MAP2: variants seen among roughly 807,000 people sequenced by gnomAD.
MAP2 encodes microtubule associated protein 2, also known as microtubule-associated protein 2.
A neutral mutation model predicts 137.6 loss-of-function variants in MAP2; 14 were observed. The observed-to-expected ratio is 0.10, with a 90% CI of 0.07 to 0.16. MAP2 has a LOEUF of 0.16. Ranked by LOEUF, MAP2 falls within the 10% of genes least tolerant of loss-of-function variation. The pLI is 1.00. For synonymous variants in MAP2, 786 were observed against 782.3 expected (o/e 1.00, Z -0.08); for missense variants, 2,088 against 2,191.5 (o/e 0.95, Z 0.94).
At chr2:209,678,411 G>A (rs892450967) in intron 5 of MAP2, among the ~76,000 whole-genome samples, 161 bp from the exon 6 acceptor site, 16 of 151,686 alleles carry the variant, frequency 1.1e-4, no homozygotes, top group African/African-American at 2.4e-5. Flanking sequence ...CTTCTTTTTT[G>A]TATATATGTG....
intron 14 of MAP2, among the ~76,000 whole-genome samples, chr2:209,727,239 T>G (rs1210873405): frequency 6.6e-6 from 1 of 152,244 alleles, no homozygotes; most frequent in Non-Finnish European, 1.5e-5. Flanking sequence ...GTCCCATACT[T>G]CATATCTTTG....
intron 1 of MAP2, among the ~76,000 whole-genome samples, chr2:209,503,016 T>C (rs2060583995): frequency 7.0e-6 from 1 of 142,162 alleles, no homozygotes; most frequent in African/African-American, 2.5e-5. Context: ...TTTTTTTTTT[T>C]CTGAGACAGG....
intron 4 of MAP2, among the ~76,000 whole-genome samples, chr2:209,649,088 C>A (rs2094604915): frequency 6.6e-6 from 1 of 152,006 alleles, no homozygotes; most frequent in Non-Finnish European, 1.5e-5. Flanking sequence ...AGGTTGAGTG[C>A]TGTGGCATAA....
At chr2:209,562,539 A>G (rs1177038758) in intron 2 of MAP2, among the ~76,000 whole-genome samples, 1 of 152,144 alleles carries the variant, frequency 6.6e-6, no homozygotes, top group Non-Finnish European at 1.5e-5. Context: ...TCTACTAAAA[A>G]TACAAAAATT....
intron 4 of MAP2, among the ~76,000 whole-genome samples, chr2:209,627,225 T>C (rs1249409556): frequency 6.6e-6 from 1 of 152,152 alleles, no homozygotes; most frequent in Non-Finnish European, 1.5e-5. Flanking sequence ...TAGAAAATAA[T>C]GGAGGAAACT....
At chr2:209,651,732 A>T (rs1582220045) in intron 4 of MAP2, among the ~76,000 whole-genome samples, 2 of 152,306 alleles carry the variant, frequency 1.3e-5, no homozygotes, top group Non-Finnish European at 2.9e-5. Context: ...TTTGAGAATC[A>T]GTTTTGGGAG....
intron 1 of MAP2, among the ~76,000 whole-genome samples, chr2:209,482,781 T>G (rs532070446): frequency 6.6e-6 from 1 of 152,310 alleles, no homozygotes; most frequent in East Asian, 1.9e-4. Flanking sequence ...ACCAACTACC[T>G]TGAATTTTTG....
intron 11 of MAP2, among the ~76,000 whole-genome samples, chr2:209,704,801 A>G (rs1263223794): frequency 6.6e-6 from 1 of 151,978 alleles, no homozygotes; most frequent in Non-Finnish European, 1.5e-5. Flanking sequence ...CAGTATACCT[A>G]TTTTTTAAAT....
rs1438355562 is a variant in MAP2 at position 209,677,690 on chromosome 2, A to G, written c.263-882A>G. On this transcript the variant is annotated intron_variant, in intron 5 of 15. Transcript: ENST00000682079. ...TGTTCTGCTTAGGAGAAAGAATATT[A>G]TAATAGTCAGGAATGCTAAAAACTA... Among the ~76,000 whole-genome samples, 4 of 152,050 alleles carry G rather than the reference A, an allele frequency of 2.6e-5. No homozygotes were observed. In the East Asian group the frequency reaches 5.8e-4, roughly 22 times the overall value.
chr2:209,540,213 C>A (rs1318643687), intron 2 of MAP2, among the ~76,000 whole-genome samples: 1 of 148,886 alleles, frequency 6.7e-6, no homozygotes, highest in Non-Finnish European at 1.5e-5. Flanking sequence ...TGACCACTTT[C>A]TTTCCATAAT....
chr2:209,555,659 A>C (rs78034497), intron 2 of MAP2, among the ~76,000 whole-genome samples: 2,999 of 152,260 alleles, frequency 0.02, 97 homozygotes, highest in African/African-American at 0.068. Context: ...TATTTCTTTT[A>C]TTTATCCATT....
intron 3 of MAP2, among the ~76,000 whole-genome samples, chr2:209,611,197 A>C (rs2086734451): frequency 6.6e-6 from 1 of 152,086 alleles, no homozygotes; most frequent in Non-Finnish European, 1.5e-5. Context: ...TTTTTTAAAA[A>C]TTATAGACCT....
Position 209,697,049 on chromosome 2 carries a change from C to G in MAP2, c.4520C>G (p.Thr1507Arg). The change falls in exon 10 of 16, where the codon ACA becomes AGA. Residue 1507 changes from threonine (T) to arginine (R), a missense_variant and splice_region_variant. By Grantham distance (71) the Thr-to-Arg change is moderately conservative (BLOSUM62 -1). This residue lies in a region of MAP2 where 591 missense variants were observed against 642.6 expected (regional missense o/e 0.92). Transcript: ENST00000682079. ...CTCTCCTGTGTTAAGCGGAAAACCACAGGTGACTGTTCAATTCTGCAATGT... is the reference window on the plus strand; with the variant it reads ...CTCTCCTGTGTTAAGCGGAAAACCAGAGGTGACTGTTCAATTCTGCAATGT... ...THLSCVKRKT[T>R]AAGGESALAP... 1 of 1,592,824 alleles carries G rather than the reference C, an allele frequency of 6.3e-7. No homozygotes were observed. The highest frequency in any genetic ancestry group is 8.5e-7 in the Non-Finnish European group (1 of 1,174,792).
At chr2:209,580,867 A>C (rs777311996) in intron 3 of MAP2, among the ~76,000 whole-genome samples, 27 of 152,172 alleles carry the variant, frequency 1.8e-4, no homozygotes, top group Non-Finnish European at 3.1e-4. Flanking sequence ...TTTAACTTTA[A>C]TACCTGTTAA....
intron 1 of MAP2, among the ~76,000 whole-genome samples, chr2:209,447,610 G>A (rs1192235245): frequency 6.6e-6 from 1 of 152,026 alleles, no homozygotes; most frequent in Non-Finnish European, 1.5e-5. Flanking sequence ...TGCTGATGGA[G>A]AGGGTAGTCA....
intron 2 of MAP2, among the ~76,000 whole-genome samples, chr2:209,578,980 T>A (rs191333939): frequency 6.6e-6 from 1 of 151,998 alleles, no homozygotes; most frequent in Non-Finnish European, 1.5e-5. Context: ...AAGTGCATAA[T>A]TATAACTGTT....
At chr2:209,675,142 A>G (rs3768819) in intron 5 of MAP2, among the ~76,000 whole-genome samples, 101 of 152,028 alleles carry the variant, frequency 6.6e-4, no homozygotes, top group African/African-American at 2.2e-3. Context: ...TAATATGTCA[A>G]TTAAGCCAAT....
At chr2:209,714,548 C>T (rs1309260891) in intron 13 of MAP2, among the ~76,000 whole-genome samples, 1 of 152,216 alleles carries the variant, frequency 6.6e-6, no homozygotes, top group South Asian at 2.1e-4. Flanking sequence ...CTTTCCCAAT[C>T]AGCATTGGTC....
intron 1 of MAP2, among the ~76,000 whole-genome samples, chr2:209,482,110 A>G (rs1046739388): frequency 2.6e-5 from 4 of 152,232 alleles, no homozygotes; most frequent in Admixed American, 2.0e-4. Context: ...CAGCAGTAGA[A>G]TCAGTGTTGA....
Sources: allele counts gnomAD v4.1 joint callset (sites outside exome capture counted in the v4.1 genomes callset), GRCh38; gene constraint gnomAD v4.1.1; regional missense constraint gnomAD v4.1.1; transcripts MANE v1.5; gene names NCBI Gene and HGNC (gene_info 2026-07-23, HGNC 2026-07-21).